SENP7: variants seen among roughly 807,000 people sequenced by gnomAD.
SENP7 encodes the protein SUMO specific peptidase 7.
In SENP7, 64 loss-of-function variants were observed where a neutral mutation model predicts 141.2. The observed-to-expected ratio is 0.45, with a 90% CI of 0.37 to 0.56. The LOEUF is 0.56. SENP7 is among the 20% of genes least tolerant of loss of function. The pLI is 0.00. For synonymous variants in SENP7, 382 were observed against 426.4 expected, an observed-to-expected ratio of 0.90 and a Z score of 1.28; for missense variants, 1,025 against 1,212.2, an observed-to-expected ratio of 0.85 and a Z score of 2.29.
chr3:101,366,152 A>G (rs539272006), intron 9 of SENP7, among the ~76,000 whole-genome samples: 1 of 152,348 alleles, frequency 6.6e-6, no homozygotes, highest in South Asian at 2.1e-4. Flanking sequence ...ATGGTCTTTA[A>G]ATAATCTATT....
intron 3 of SENP7, among the ~76,000 whole-genome samples, chr3:101,473,630 A>G (rs768464693): frequency 6.6e-6 from 1 of 152,192 alleles, no homozygotes; most frequent in Non-Finnish European, 1.5e-5. Flanking sequence ...GATGCAGTAT[A>G]TTCGACTTCT....
Position 101,414,264 on chromosome 3 carries a change from G to A in SENP7, c.482+3329C>T, listed in dbSNP as rs1376263724. The A allele has an allele frequency of 1.7e-5, 10 of 585,306 alleles. No homozygotes were observed. The East Asian group carries it at 1.9e-4, about 11-fold the overall frequency. The allele number at this position is 585,306 out of a possible 1,614,324, so 36.3% of individuals were successfully genotyped here. ...GCAGGTGACGAGTGGTAGAATCGAT[G>A]GTGAAGAGTCTGGAGAGAGAGAACA... On this transcript the variant is annotated intron_variant, in intron 5 of 23. Transcript: ENST00000394095.
intron 4 of SENP7, among the ~76,000 whole-genome samples, chr3:101,446,989 A>C (rs569463896): frequency 7.9e-5 from 12 of 152,318 alleles, no homozygotes; most frequent in Admixed American, 2.6e-4. Flanking sequence ...TAAAACTGAT[A>C]TACCACTAGC....
Position 101,413,111 on chromosome 3 carries a change from ATGAG to A in SENP7, c.482+4478_482+4481del, listed in dbSNP as rs761576489. Among the ~76,000 whole-genome samples, 119 of 152,298 alleles carry A rather than the reference ATGAG, an allele frequency of 7.8e-4. 1 individual carries two copies. The highest frequency in any genetic ancestry group is 1.9e-4 in the Non-Finnish European group (13 of 67,980). ...AACAAAATACCATTTCTGGAACTGA[ATGAG>A]TAATTTCAGTTTACTCAATGATTAA... On this transcript the variant is annotated intron_variant, in intron 5 of 23. Coordinates refer to ENST00000394095, the MANE Select transcript of SENP7 (RefSeq NM_020654.5).
chr3:101,329,602 G>A (rs2058992672), intron 20 of SENP7, among the ~76,000 whole-genome samples: 1 of 151,868 alleles, frequency 6.6e-6, no homozygotes, highest in South Asian at 2.1e-4. Flanking sequence ...AGCCTAAGGA[G>A]TTACATGGAT....
rs181614239 is a variant in SENP7 at position 101,367,834 on chromosome 3, T to C, written c.974A>G (p.Gln325Arg). The change falls in exon 8 of 24, where the codon CAG (glutamine) becomes CGG (arginine). Residue 325 changes from glutamine (Q) to arginine (R), a missense_variant. Coordinates refer to ENST00000394095, the MANE Select transcript of SENP7 (RefSeq NM_020654.5). ...TATCTAAATACCTCTACTTACTGTCTGTTCTGTTGACTTATCCAAAGAAGT... is the reference window on the plus strand; with the variant it reads ...TATCTAAATACCTCTACTTACTGTCCGTTCTGTTGACTTATCCAAAGAAGT... ...YCTSLDKSTE[Q>R]TKKQEDDSTI... The C allele has an allele frequency of 1.7e-5, 27 of 1,576,448 alleles. No individual in the cohort carries two copies. The highest frequency in any genetic ancestry group is 1.6e-4 in the African/African-American group (12 of 73,836).
In SENP7 at chr3:101,364,857, A is replaced by G. The variant is rs780662766; in HGVS notation, c.1453T>C (p.Leu485=). The G allele has an allele frequency of 8.1e-6, 13 of 1,598,266 alleles. No individual in the cohort carries two copies. In the East Asian group the frequency reaches 9.1e-5, roughly 11 times the overall value. The stretch of plus-strand genomic sequence containing the variant: ...ACCTGTACAGATTCACATGTAATCA[A>G]TGGTAGTTCTAACAATGCTGATTCA... The part of the protein sequence containing the change: ...TSESALLELP[L]ITCESVQMSS... The change falls in exon 10 of 24, where the codon TTG becomes CTG. Residue 485 remains leucine, a synonymous_variant. Coordinates refer to ENST00000394095, the MANE Select transcript of SENP7 (RefSeq NM_020654.5).
chr3:101,463,402 T>TATACACAC (rs1553744836), intron 3 of SENP7, among the ~76,000 whole-genome samples: 3 of 101,254 alleles, frequency 3.0e-5, no homozygotes, highest in African/African-American at 1.2e-4. Context: ...TATATACATA[T>TATACACAC]ATATATATAT....
intron 4 of SENP7, among the ~76,000 whole-genome samples, chr3:101,429,170 G>A (rs1316114008): frequency 2.0e-5 from 3 of 151,754 alleles, no homozygotes; most frequent in Admixed American, 6.6e-5. Flanking sequence ...TCTTGGCTAC[G>A]CGGGCTCTTT....
chr3:101,431,129 T>C (rs181356761), intron 4 of SENP7, among the ~76,000 whole-genome samples: 1 of 152,304 alleles, frequency 6.6e-6, no homozygotes, highest in East Asian at 1.9e-4. Flanking sequence ...ATAGGTGCAA[T>C]GTGGTGCTGA....
intron 6 of SENP7, among the ~76,000 whole-genome samples, chr3:101,380,798 C>T (rs2060480736): frequency 6.6e-6 from 1 of 152,060 alleles, no homozygotes; most frequent in South Asian, 2.1e-4. Context: ...ATACTATTTA[C>T]TGGCAACACA....
At chr3:101,475,365 A>G (rs1000733403) in intron 3 of SENP7, among the ~76,000 whole-genome samples, 1 of 152,236 alleles carries the variant, frequency 6.6e-6, no homozygotes, top group African/African-American at 2.4e-5. Context: ...AGGGAATACT[A>G]TGCAGCCATA....
chr3:101,448,661 G>A (rs2062993038), intron 4 of SENP7, among the ~76,000 whole-genome samples: 1 of 152,106 alleles, frequency 6.6e-6, no homozygotes, highest in African/African-American at 2.4e-5. Flanking sequence ...CTGCAGCTGA[G>A]GGTCCTGACT....
At chr3:101,492,597 A>T (rs892815315) in intron 3 of SENP7, among the ~76,000 whole-genome samples, 19 of 152,168 alleles carry the variant, frequency 1.2e-4, no homozygotes, top group Admixed American at 3.3e-4. Context: ...TAATGTCCTT[A>T]TAAGAAGAAG....
chr3:101,402,540 T>C (rs2061176843), intron 5 of SENP7, among the ~76,000 whole-genome samples: 1 of 140,684 alleles, frequency 7.1e-6, no homozygotes, highest in Non-Finnish European at 1.5e-5. Flanking sequence ...GAGAATCGCT[T>C]GAACCTGGGA....
chr3:101,463,377 A>ATATATGTG (rs1553744672), intron 3 of SENP7, among the ~76,000 whole-genome samples: 1 of 87,414 alleles, frequency 1.1e-5, no homozygotes, highest in South Asian at 3.5e-4. Context: ...ATATATATAT[A>ATATATGTG]TATATATATA....
At position 101,366,524 on chromosome 3, in the gene SENP7, C is replaced by G. The variant is rs2060041877; in HGVS notation, c.1224G>C (p.Leu408=). The G allele has an allele frequency of 1.2e-6, 2 of 1,613,776 alleles. No homozygotes were observed. The highest frequency in any genetic ancestry group is 1.7e-4 in the Middle Eastern group (1 of 6,060). The change falls in exon 9 of 24, where the codon CTG becomes CTC. Residue 408 remains leucine, a synonymous_variant. Coordinates refer to ENST00000394095, the MANE Select transcript of SENP7 (RefSeq NM_020654.5). ...NSIDIVGISS[L]VEKDENELNT... ...TCAACTCATTCTCATCCTTCTCAAC[C>G]AGGGAAGAAATCCCCACAATATCAA...
intron 4 of SENP7, among the ~76,000 whole-genome samples, chr3:101,449,349 C>G (rs991990432): frequency 1.3e-5 from 2 of 152,116 alleles, no homozygotes; most frequent in African/African-American, 4.8e-5. Context: ...GGCCAACATT[C>G]AAATTCAGGA....
Position 101,458,987 on chromosome 3 carries a change from C to T in SENP7, c.252G>A (p.Gly84=). The change falls in exon 4 of 24, where the codon GGG becomes GGA. Residue 84 remains glycine (G), a synonymous_variant. Coordinates refer to ENST00000394095, the MANE Select transcript of SENP7 (RefSeq NM_020654.5). ...GTGATGACTTGGAAGTAACAGGACA[C>T]CCTCGGATATGTTTTTTATTTTTAT... ...LDHKNKKHIR[G]CPVTSKSSPE... is the part of the protein sequence containing the mutation. The T allele has an allele frequency of 6.2e-7, 1 of 1,609,984 alleles. No homozygotes were observed.
Sources: allele counts gnomAD v4.1 joint callset (sites outside exome capture counted in the v4.1 genomes callset), GRCh38; gene constraint gnomAD v4.1.1; transcripts MANE v1.5; gene names NCBI Gene and HGNC (gene_info 2026-07-23, HGNC 2026-07-21).